The following GABRG3 variants were observed in gnomAD, a reference collection of about 807,000 sequenced individuals.
The protein encoded by GABRG3 is gamma-aminobutyric acid type A receptor subunit gamma3, also known as gamma-aminobutyric acid receptor subunit gamma-3.
In GABRG3, 25 loss-of-function variants were observed where a neutral mutation model predicts 48.8. That is an observed-to-expected ratio of 0.51 (90% confidence interval 0.37 to 0.72). The LOEUF (loss-of-function observed/expected upper bound fraction) is 0.72. Among genes scored for constraint, GABRG3 ranks in the 30% least tolerant of loss-of-function variants. The probability of loss-of-function intolerance (pLI) is 0.00; values close to 1 mark genes in which losing one functional copy is unlikely to be tolerated. For missense variants in GABRG3, 394 were observed against 577.9 expected (o/e 0.68, Z 3.26); for synonymous variants, 227 against 217.6 (o/e 1.04, Z -0.38).
intron 3 of GABRG3, among the ~76,000 whole-genome samples, chr15:27,049,933 G>A (rs1896428858): frequency 6.6e-6 from 1 of 152,270 alleles, no homozygotes; most frequent in East Asian, 1.9e-4. Flanking sequence ...GGCTGATTGT[G>A]GATTAATTAG....
rs576555508 is a variant in GABRG3, at chr15:27,124,862, C to T, written c.270+98041C>T. 2.0e-5 allele frequency among the ~76,000 whole-genome samples: 3 copies of T among 152,326 alleles called. No individual in the cohort carries two copies. In the East Asian group the frequency reaches 5.8e-4, roughly 29 times the overall value. On this transcript the variant is annotated intron_variant, in intron 3 of 9. Transcript: ENST00000615808. ...AAATAGACTTTGAAAGCTTGCCCAACCTTTTTCTTTTTCAGCAGTGCTGCT... is the reference window on the plus strand; with the variant it reads ...AAATAGACTTTGAAAGCTTGCCCAATCTTTTTCTTTTTCAGCAGTGCTGCT...
In GABRG3 at chr15:27,247,186, C is replaced by T. The variant is rs141573314; in HGVS notation, c.271-79623C>T. 2.0e-5 allele frequency among the ~76,000 whole-genome samples: 3 copies of T among 152,236 alleles called. No homozygotes were observed. The East Asian group carries it at 5.8e-4, about 30-fold the overall frequency. ...AACTCCTGGCCTCAAGCAGTCCTCC[C>T]ACTTTGGCCTCCCAAAGTGCTGAGA... On this transcript the variant is annotated intron_variant, in intron 3 of 9. Coordinates refer to ENST00000615808, the MANE Select transcript of GABRG3 (RefSeq NM_033223.5).
intron 2 of GABRG3, among the ~76,000 whole-genome samples, chr15:27,014,283 T>G (rs933044319): frequency 2.6e-5 from 4 of 151,932 alleles, no homozygotes; most frequent in Non-Finnish European, 5.9e-5. Context: ...CTATTTTCTA[T>G]TTCCTATTTC....
chr15:27,351,676 GTT>G (rs754900391), intron 5 of GABRG3, among the ~76,000 whole-genome samples: 35 of 150,022 alleles, frequency 2.3e-4, no homozygotes, highest in Non-Finnish European at 4.7e-4. Flanking sequence ...ATTTGTGTGT[GTT>G]TGTGTGTATG....
intron 3 of GABRG3, among the ~76,000 whole-genome samples, chr15:27,112,159 G>T (rs1259948405): frequency 6.6e-6 from 1 of 152,054 alleles, no homozygotes; most frequent in Non-Finnish European, 1.5e-5. Flanking sequence ...TCATTTTATG[G>T]CCCTTGTGGA....
intron 5 of GABRG3, among the ~76,000 whole-genome samples, chr15:27,439,920 C>T (rs1030377290): frequency 1.3e-5 from 2 of 152,174 alleles, no homozygotes; most frequent in Admixed American, 6.5e-5. Flanking sequence ...TATTGCGTTC[C>T]CATGCCTCTG....
At chr15:27,285,382 G>A (rs757110629) in intron 3 of GABRG3, among the ~76,000 whole-genome samples, 1 of 151,382 alleles carries the variant, frequency 6.6e-6, no homozygotes, top group Non-Finnish European at 1.5e-5. Flanking sequence ...CTCTGCCCAA[G>A]GACCGAGAGA....
chr15:27,147,908 C>T (rs1898238944), intron 3 of GABRG3, among the ~76,000 whole-genome samples: 1 of 151,164 alleles, frequency 6.6e-6, no homozygotes, highest in South Asian at 2.1e-4. Flanking sequence ...CCCTAAGCAA[C>T]TAGAAAAAGA....
intron 3 of GABRG3, among the ~76,000 whole-genome samples, chr15:27,320,825 TATTG>T (rs951330335): frequency 2.6e-5 from 4 of 152,212 alleles, no homozygotes; most frequent in Admixed American, 6.5e-5. Context: ...TAGAAACAAA[TATTG>T]ATTTTTCATA....
chr15:27,261,540 G>GTA (rs914871269), intron 3 of GABRG3, among the ~76,000 whole-genome samples: 7 of 148,988 alleles, frequency 4.7e-5, no homozygotes, highest in African/African-American at 7.4e-5. Flanking sequence ...ATATATATAT[G>GTA]TATATATATA....
At chr15:27,089,088 C>T (rs1394134571) in intron 3 of GABRG3, among the ~76,000 whole-genome samples, 2 of 152,108 alleles carry the variant, frequency 1.3e-5, no homozygotes, top group African/African-American at 4.8e-5. Flanking sequence ...TGACCAGGCA[C>T]ATCCTCTGGA....
chr15:27,350,464 A>G (rs1012484811), intron 5 of GABRG3: 1 of 307,424 alleles, frequency 3.3e-6, no homozygotes, highest in African/African-American at 2.2e-5. Flanking sequence ...GGACACATTC[A>G]GTATAAGCAG....
chr15:27,129,875 G>A (rs1199437222), intron 3 of GABRG3, among the ~76,000 whole-genome samples: 1 of 151,936 alleles, frequency 6.6e-6, no homozygotes, highest in African/African-American at 2.4e-5. Context: ...CAAGTCGTTT[G>A]TCCAGTTTAA....
chr15:27,186,419 A>G (rs1353045057), intron 3 of GABRG3, among the ~76,000 whole-genome samples: 1 of 152,132 alleles, frequency 6.6e-6, no homozygotes, highest in Non-Finnish European at 1.5e-5. Context: ...GTGTTGATGG[A>G]TATGTAAGTT....
At chr15:27,076,454 G>C (rs1386360190) in intron 3 of GABRG3, among the ~76,000 whole-genome samples, 1 of 151,596 alleles carries the variant, frequency 6.6e-6, no homozygotes, top group African/African-American at 2.4e-5. Context: ...CTCCTGAGCA[G>C]CTGGGACTAT....
At chr15:27,092,068 T>G (rs1427482214) in intron 3 of GABRG3, among the ~76,000 whole-genome samples, 1 of 152,196 alleles carries the variant, frequency 6.6e-6, no homozygotes, top group Non-Finnish European at 1.5e-5. Context: ...ACGCACTCAC[T>G]GTTTTATGAA....
intron 3 of GABRG3, among the ~76,000 whole-genome samples, chr15:27,100,010 T>C (rs1897328855): frequency 6.6e-6 from 1 of 151,764 alleles, no homozygotes; most frequent in South Asian, 2.1e-4. Context: ...AGGCCAAGAG[T>C]TCGAGACCAG....
At chr15:27,145,897 G>A (rs1898200325) in intron 3 of GABRG3, among the ~76,000 whole-genome samples, 1 of 152,090 alleles carries the variant, frequency 6.6e-6, no homozygotes. Context: ...GGGATCCTCA[G>A]TAAGCTTAAC....
chr15:27,000,528 G>C (rs916597623), intron 2 of GABRG3, among the ~76,000 whole-genome samples: 2 of 152,106 alleles, frequency 1.3e-5, no homozygotes, highest in African/African-American at 4.8e-5. Flanking sequence ...AATGGATCAT[G>C]GGGACAGTTG....
Sources: gnomAD v4.1 joint callset for allele counts (sites outside exome capture counted in the v4.1 genomes callset) on GRCh38, gnomAD v4.1.1 for gene constraint, MANE v1.5 for transcripts, NCBI Gene and HGNC (gene_info 2026-07-23, HGNC 2026-07-21) for gene names.